Variants in ADAMTS17 observed in about 807,000 individuals in gnomAD.
ADAMTS17 encodes the protein A disintegrin and metalloproteinase with thrombospondin motifs 17.
In ADAMTS17, 113 loss-of-function variants were observed where a neutral mutation model predicts 141.5. The ratio of observed to expected loss-of-function variants is 0.80; its 90% CI spans 0.69 to 0.93. The LOEUF (loss-of-function observed/expected upper bound fraction) is 0.93. Ranked by LOEUF, ADAMTS17 falls within the 40% of genes least tolerant of loss-of-function variation. The probability of loss-of-function intolerance (pLI) is 0.00; values close to 1 mark genes in which losing one functional copy is unlikely to be tolerated. For missense variants in ADAMTS17, 1,659 were observed against 1,517.9 expected, an observed-to-expected ratio of 1.09 and a Z score of -1.54; for synonymous variants, 768 against 630.6, an observed-to-expected ratio of 1.22 and a Z score of -3.27.
chr15:100,155,762 G>A (rs989813435), intron 8 of ADAMTS17, among the ~76,000 whole-genome samples: 1 of 152,220 alleles, frequency 6.6e-6, no homozygotes, highest in Non-Finnish European at 1.5e-5. Context: ...CTTACAGAAT[G>A]ATCTGAATCT....
chr15:100,175,493 T>A (rs1026136583), intron 8 of ADAMTS17, among the ~76,000 whole-genome samples: 2 of 152,142 alleles, frequency 1.3e-5, no homozygotes, highest in Non-Finnish European at 2.9e-5. Context: ...CCTAATTCTT[T>A]AGGAAAAGAA....
chr15:100,027,858 C>G (rs1035184475), intron 18 of ADAMTS17, among the ~76,000 whole-genome samples: 4 of 152,212 alleles, frequency 2.6e-5, no homozygotes, highest in African/African-American at 9.7e-5. Flanking sequence ...AACTGGGAGT[C>G]TGAGTCTCAT....
intron 18 of ADAMTS17, among the ~76,000 whole-genome samples, chr15:100,026,810 C>T (rs1175144303): frequency 6.6e-6 from 1 of 152,208 alleles, no homozygotes; most frequent in Non-Finnish European, 1.5e-5. Context: ...CATAGCTCTG[C>T]CCACCTTGAA....
At chr15:99,982,019 ACTAG>A (rs2060491335) in intron 20 of ADAMTS17, among the ~76,000 whole-genome samples, 1 of 152,224 alleles carries the variant, frequency 6.6e-6, no homozygotes, top group South Asian at 2.1e-4. Context: ...GTCCCCACTT[ACTAG>A]CTGTGTGACC....
intron 7 of ADAMTS17, among the ~76,000 whole-genome samples, chr15:100,232,984 G>C (rs994232218): frequency 3.3e-5 from 5 of 152,110 alleles, no homozygotes; most frequent in African/African-American, 1.2e-4. Context: ...GTAAATATGG[G>C]TTGAATCTGA....
intron 7 of ADAMTS17, among the ~76,000 whole-genome samples, chr15:100,230,951 T>G (rs1407090391): frequency 2.0e-5 from 3 of 152,072 alleles, no homozygotes; most frequent in African/African-American, 7.2e-5. Context: ...ACAGAGGGAT[T>G]AGCAATAAAG....
chr15:99,985,925 C>A (rs1386224853), intron 20 of ADAMTS17, among the ~76,000 whole-genome samples: 1 of 152,254 alleles, frequency 6.6e-6, no homozygotes, highest in Non-Finnish European at 1.5e-5. Flanking sequence ...CAGGGGCTGT[C>A]TGGATCCCAC....
intron 7 of ADAMTS17, among the ~76,000 whole-genome samples, chr15:100,228,523 C>T (rs769386911): frequency 1.3e-5 from 2 of 151,936 alleles, no homozygotes; most frequent in Non-Finnish European, 2.9e-5. Context: ...GGGACTGGAC[C>T]GAGGAGAAAA....
intron 7 of ADAMTS17, among the ~76,000 whole-genome samples, chr15:100,215,506 G>T (rs2041943540): frequency 6.6e-6 from 1 of 152,084 alleles, no homozygotes; most frequent in Non-Finnish European, 1.5e-5. Context: ...AACTCCACGT[G>T]GAGTCTTTGC....
intron 13 of ADAMTS17, among the ~76,000 whole-genome samples, chr15:100,113,034 C>T (rs1004158809): frequency 2.0e-5 from 3 of 152,138 alleles, no homozygotes; most frequent in African/African-American, 7.2e-5. Context: ...CTCCCTGGTC[C>T]TCTGTGGGGG....
intron 2 of ADAMTS17, among the ~76,000 whole-genome samples, chr15:100,337,554 C>CA (rs1227670396): frequency 6.6e-6 from 1 of 152,192 alleles, no homozygotes; most frequent in African/African-American, 2.4e-5. Context: ...TTTTGCAGCC[C>CA]AGAGCTCCTT....
chr15:100,330,519 C>T (rs145500188), intron 3 of ADAMTS17, among the ~76,000 whole-genome samples: 89 of 152,248 alleles, frequency 5.8e-4, no homozygotes, highest in Admixed American at 4.2e-3. Flanking sequence ...TTAGTTACTG[C>T]GGCCAGAACT....
chr15:100,193,504 G>C (rs934442036), intron 8 of ADAMTS17, among the ~76,000 whole-genome samples: 6 of 152,180 alleles, frequency 3.9e-5, no homozygotes, highest in Admixed American at 6.5e-5. Context: ...GCAGGAATGT[G>C]GGCAAGGCCA....
intron 9 of ADAMTS17, among the ~76,000 whole-genome samples, chr15:100,153,184 G>A (rs751043100): frequency 6.6e-6 from 1 of 152,208 alleles, no homozygotes; most frequent in African/African-American, 2.4e-5. Flanking sequence ...TAAAATCAAA[G>A]TGCTTATTTC....
intron 6 of ADAMTS17, among the ~76,000 whole-genome samples, chr15:100,258,963 C>T (rs1349578776): frequency 2.0e-5 from 3 of 151,906 alleles, no homozygotes; most frequent in Admixed American, 6.6e-5. Context: ...AAAAAAAATG[C>T]CATTCATCCC....
chr15:100,164,618 C>T (rs551895171), intron 8 of ADAMTS17, among the ~76,000 whole-genome samples: 2 of 152,286 alleles, frequency 1.3e-5, no homozygotes, highest in East Asian at 3.9e-4. Flanking sequence ...TGCAGCCCCT[C>T]GAGCTGAAAA....
At chr15:100,210,415 T>C (rs1232253748) in intron 7 of ADAMTS17, among the ~76,000 whole-genome samples, 1 of 152,152 alleles carries the variant, frequency 6.6e-6, no homozygotes, top group Non-Finnish European at 1.5e-5. Context: ...GTGAGGTACA[T>C]ATTGTTATTA....
intron 7 of ADAMTS17, among the ~76,000 whole-genome samples, chr15:100,221,955 C>T (rs895303103): frequency 6.6e-6 from 1 of 152,266 alleles, no homozygotes; most frequent in East Asian, 1.9e-4. Flanking sequence ...CAGGCATCAC[C>T]TGAGGGCCTC....
intron 9 of ADAMTS17, among the ~76,000 whole-genome samples, chr15:100,153,315 A>G (rs1371332957): frequency 6.6e-6 from 1 of 152,126 alleles, no homozygotes; most frequent in African/African-American, 2.4e-5. Flanking sequence ...GGGTGGGAGC[A>G]TTCATTCACA....
Sources: allele counts gnomAD v4.1 joint callset (sites outside exome capture counted in the v4.1 genomes callset), GRCh38; gene constraint gnomAD v4.1.1; transcripts MANE v1.5; gene names NCBI Gene and HGNC (gene_info 2026-07-23, HGNC 2026-07-21).